Variants in CFAP299 observed in about 807,000 individuals in gnomAD.
CFAP299 encodes the protein cilia and flagella associated protein 299.
A neutral mutation model predicts 27.0 loss-of-function variants in CFAP299; 21 were observed. The observed-to-expected ratio is 0.78, with a 90% CI of 0.55 to 1.12. The LOEUF (loss-of-function observed/expected upper bound fraction) is 1.12, where lower values mean the gene tolerates loss of function less well. CFAP299 is among the 50% of genes most tolerant of loss of function. CFAP299 has a pLI of 0.00. For missense variants in CFAP299, 310 were observed against 276.6 expected (o/e 1.12, Z -0.86); for synonymous variants, 104 against 98.1 (o/e 1.06, Z -0.36).
chr4:80,857,800 T>C (rs996042919), intron 3 of CFAP299, among the ~76,000 whole-genome samples: 5 of 152,150 alleles, frequency 3.3e-5, no homozygotes, highest in African/African-American at 1.2e-4. Flanking sequence ...CTGCTGGATT[T>C]GGTTTGGCAG....
chr4:80,421,917 T>A (rs1727302461), intron 2 of CFAP299, among the ~76,000 whole-genome samples: 1 of 152,146 alleles, frequency 6.6e-6, no homozygotes, highest in Admixed American at 6.6e-5. Context: ...GTAAATTAAT[T>A]TTAGAGGTTA....
At chr4:80,568,770 T>C (rs1431783929) in intron 2 of CFAP299, among the ~76,000 whole-genome samples, 2 of 151,984 alleles carry the variant, frequency 1.3e-5, no homozygotes, top group African/African-American at 4.8e-5. Context: ...TGTATAGACG[T>C]TTTTAGAGAA....
Position 80,445,622 on chromosome 4 carries a change from T to C in CFAP299, c.242+82738T>C, listed in dbSNP as rs1331955349. ...AACCACCATGGCACATGTATACCTA[T>C]GTAAGAAACTTGCACATTCTGCACA... On this transcript the variant is annotated intron_variant, in intron 2 of 5. Coordinates refer to ENST00000358105, the MANE Select transcript of CFAP299 (RefSeq NM_152770.3). 2.6e-5 allele frequency among the ~76,000 whole-genome samples: 4 copies of C among 152,170 alleles called. No homozygotes were observed. In the East Asian group the frequency reaches 7.7e-4, roughly 29 times the overall value.
chr4:80,877,307 C>G (rs1175201252), intron 4 of CFAP299, among the ~76,000 whole-genome samples: 1 of 152,146 alleles, frequency 6.6e-6, no homozygotes, highest in Admixed American at 6.5e-5. Flanking sequence ...AGTACTGTCT[C>G]TCATGGAAAA....
intron 3 of CFAP299, among the ~76,000 whole-genome samples, chr4:80,623,754 C>A (rs949144717): frequency 6.6e-6 from 1 of 152,116 alleles, no homozygotes; most frequent in African/African-American, 2.4e-5. Flanking sequence ...CACAGTGTAA[C>A]CCAGCATAAG....
chr4:80,777,267 A>G (rs1468420990), intron 3 of CFAP299, among the ~76,000 whole-genome samples: 1 of 152,040 alleles, frequency 6.6e-6, no homozygotes, highest in Non-Finnish European at 1.5e-5. Flanking sequence ...TTCAGATACA[A>G]TATTTGCTAC....
chr4:80,512,246 A>ATGTGTG (rs1285303221), intron 2 of CFAP299, among the ~76,000 whole-genome samples: 4 of 134,952 alleles, frequency 3.0e-5, no homozygotes, highest in African/African-American at 9.9e-5. Context: ...GTGTGTGTGC[A>ATGTGTG]TGTGTGTGTG....
chr4:80,916,633 C>T (rs1735780853), intron 4 of CFAP299, among the ~76,000 whole-genome samples: 1 of 152,058 alleles, frequency 6.6e-6, no homozygotes, highest in African/African-American at 2.4e-5. Flanking sequence ...TCTGGTAATT[C>T]TTCCTTTGGT....
intron 4 of CFAP299, among the ~76,000 whole-genome samples, chr4:80,894,255 C>T (rs900097893): frequency 1.3e-5 from 2 of 151,778 alleles, no homozygotes; most frequent in African/African-American, 4.8e-5. Context: ...AATCTTTGTA[C>T]ATTATGAAGG....
At chr4:80,352,582 TAAAAG>T (rs1307128810) in intron 1 of CFAP299, among the ~76,000 whole-genome samples, 3 of 151,946 alleles carry the variant, frequency 2.0e-5, no homozygotes, top group South Asian at 4.2e-4. Context: ...AATAAATAAA[TAAAAG>T]AGCAGTTCAC....
the CFAP299 span, among the ~76,000 whole-genome samples, chr4:80,325,989 A>AAGAT: frequency 6.6e-6 from 1 of 152,236 alleles, no homozygotes; most frequent in Non-Finnish European, 1.5e-5. Flanking sequence ...CCAGATATAT[A>AAGAT]AGATAGTCTT....
rs954259544 is a variant in CFAP299, at chr4:80,812,677, T to C, written c.334-57316T>C. 4.6e-5 allele frequency among the ~76,000 whole-genome samples: 7 copies of C among 152,232 alleles called. No individual in the cohort carries two copies. In the East Asian group the frequency reaches 7.7e-4, roughly 17 times the overall value. ...TCAAATTAGCGTCAATAGAGTTACA[T>C]TGGTTTCAAACTGATAAAAACTGTC... On this transcript the variant is annotated intron_variant, in intron 3 of 5. Coordinates refer to ENST00000358105, the MANE Select transcript of CFAP299 (RefSeq NM_152770.3).
At chr4:80,898,437 C>A (rs1455568611) in intron 4 of CFAP299, among the ~76,000 whole-genome samples, 1 of 152,032 alleles carries the variant, frequency 6.6e-6, no homozygotes, top group South Asian at 2.1e-4. Flanking sequence ...CCTTCCTCTG[C>A]CAGCTGAACC....
At chr4:80,674,725 T>C (rs1407108974) in intron 3 of CFAP299, among the ~76,000 whole-genome samples, 2 of 152,188 alleles carry the variant, frequency 1.3e-5, no homozygotes, top group African/African-American at 4.8e-5. Flanking sequence ...CATTTCTTTT[T>C]ACTCTTTTTT....
chr4:80,963,576 T>C lies in CFAP299; in HGVS notation c.666T>C (p.Ala222=), dbSNP rs1334278351. 6.2e-7 allele frequency: 1 copy of C among 1,607,364 alleles called. No individual in the cohort carries two copies. Among genetic ancestry groups the C allele is most frequent in the Non-Finnish European group, 8.5e-7 (1 of 1,176,416 alleles). The change falls in exon 6 of 6, where the codon GCT becomes GCC. Residue 222 remains alanine (A), a synonymous_variant. Transcript: ENST00000358105. ...ITILTELYVQ[A]VIFDHISRRK... ...TCCTGACAGAACTCTACGTACAAGCTGTCATTTTTGACCACATTTCCAGAA... is the reference window on the plus strand; with the variant it reads ...TCCTGACAGAACTCTACGTACAAGCCGTCATTTTTGACCACATTTCCAGAA...
chr4:80,433,427 A>T (rs1001965286), intron 2 of CFAP299, among the ~76,000 whole-genome samples: 1 of 152,180 alleles, frequency 6.6e-6, no homozygotes, highest in Non-Finnish European at 1.5e-5. Flanking sequence ...TTGTGGGAAA[A>T]TAGAAAGAAT....
intron 2 of CFAP299, among the ~76,000 whole-genome samples, chr4:80,520,433 C>G (rs968366579): frequency 1.3e-5 from 2 of 152,208 alleles, no homozygotes; most frequent in Admixed American, 6.5e-5. Flanking sequence ...TCTTCATTCT[C>G]AGAACAACCC....
intron 4 of CFAP299, among the ~76,000 whole-genome samples, chr4:80,906,972 C>T (rs181734049): frequency 6.6e-6 from 1 of 152,194 alleles, no homozygotes; most frequent in Non-Finnish European, 1.5e-5. Flanking sequence ...GAATTTCTCT[C>T]CAAAAAATGG....
intron 3 of CFAP299, among the ~76,000 whole-genome samples, chr4:80,793,504 T>G (rs1288527983): frequency 6.6e-6 from 1 of 151,308 alleles, no homozygotes; most frequent in East Asian, 1.9e-4. Flanking sequence ...TTGACAGTAT[T>G]AACCATCACA....
Sources: allele counts gnomAD v4.1 joint callset (sites outside exome capture counted in the v4.1 genomes callset), GRCh38; gene constraint gnomAD v4.1.1; transcripts MANE v1.5; gene names NCBI Gene and HGNC (gene_info 2026-07-23, HGNC 2026-07-21).